CDH12: variants seen among roughly 807,000 people sequenced by gnomAD.
CDH12 encodes the protein cadherin-12.
A neutral mutation model predicts 74.1 loss-of-function variants in CDH12; 41 were observed. The ratio of observed to expected loss-of-function variants is 0.55; its 90% CI spans 0.43 to 0.72. The LOEUF is 0.72. CDH12 is among the 30% of genes least tolerant of loss of function. The pLI is 0.00. For missense variants in CDH12, 945 were observed against 977.2 expected, an observed-to-expected ratio of 0.97 and a Z score of 0.44; for synonymous variants, 399 against 355.0, an observed-to-expected ratio of 1.12 and a Z score of -1.39.
intron 1 of CDH12, among the ~76,000 whole-genome samples, chr5:22,666,512 G>T (rs192699090): frequency 6.6e-6 from 1 of 151,722 alleles, no homozygotes; most frequent in Admixed American, 6.6e-5. Context: ...GGGTGGTCTC[G>T]ATCTCCTGAC....
At chr5:21,846,467 T>G (rs530216218) in intron 7 of CDH12, among the ~76,000 whole-genome samples, 9 of 152,180 alleles carry the variant, frequency 5.9e-5, no homozygotes, top group Non-Finnish European at 1.2e-4. Context: ...AGAGTATGTC[T>G]GTTTTTCTGT....
intron 1 of CDH12, among the ~76,000 whole-genome samples, chr5:22,582,785 A>T (rs886651100): frequency 6.6e-6 from 1 of 152,166 alleles, no homozygotes; most frequent in Admixed American, 6.6e-5. Context: ...CTGCAATTGT[A>T]TCATGTTTTC....
chr5:22,052,980 C>T (rs1740482750), intron 5 of CDH12, among the ~76,000 whole-genome samples: 3 of 151,718 alleles, frequency 2.0e-5, no homozygotes, highest in Admixed American at 1.3e-4. Context: ...AAAAGAGATG[C>T]TTAAAGAAAG....
intron 1 of CDH12, among the ~76,000 whole-genome samples, chr5:22,829,287 C>T (rs900209273): frequency 1.1e-4 from 16 of 152,146 alleles, no homozygotes; most frequent in Non-Finnish European, 1.8e-4. Flanking sequence ...TAGAGTCATG[C>T]AACCTCAAAA....
At chr5:21,883,183 T>C (rs1752448053) in intron 6 of CDH12, 3 of 1,465,558 alleles carry the variant, frequency 2.0e-6, no homozygotes, top group Non-Finnish European at 9.6e-7. Flanking sequence ...AGAAAGGGTG[T>C]CATCACAGTA....
In CDH12 at chr5:21,882,556, C is replaced by T. The variant is rs572357025; in HGVS notation, c.527-27766G>A. 305 of 1,304,776 alleles carry T rather than the reference C, an allele frequency of 2.3e-4. 4 individuals carry two copies. The South Asian group carries it at 3.5e-3, about 15-fold the overall frequency. 80.8% of individuals were successfully genotyped at this position (1,304,776 alleles called of 1,614,324 possible). Reference sequence around the variant, plus strand: ...ACTCGCCGCCGACAACCTGTCTCGCCGCGCGCATGCCCTGCAGCCGCCCCA... The same window carrying T: ...ACTCGCCGCCGACAACCTGTCTCGCTGCGCGCATGCCCTGCAGCCGCCCCA... On this transcript the variant is annotated intron_variant, in intron 6 of 14. Coordinates refer to ENST00000382254, the MANE Select transcript of CDH12 (RefSeq NM_004061.5).
chr5:22,078,362 C>T, intron 5 of CDH12, 84 bp downstream of exon 5: 1 of 1,226,760 alleles, frequency 8.2e-7, no homozygotes, highest in East Asian at 2.4e-5. Flanking sequence ...GTTTGTTCAA[C>T]TCCTGTGCAA....
rs532083567 is a variant in CDH12 at position 22,217,781 on chromosome 5, T to A, written c.-332-5138A>T. On this transcript the variant is annotated intron_variant, in intron 3 of 14. Coordinates refer to ENST00000382254, the MANE Select transcript of CDH12 (RefSeq NM_004061.5). The stretch of plus-strand genomic sequence containing the variant: ...AAATGGACATATAAAATAATATTAA[T>A]GAATAATATTGCTCAATAGAAAAAA... Among the ~76,000 whole-genome samples the A allele has an allele frequency of 9.9e-4, 150 of 151,802 alleles. 3 individuals carry two copies. In the South Asian group the frequency reaches 0.03, roughly 30 times the overall value.
intron 6 of CDH12, chr5:21,884,165 G>A: frequency 1.3e-6 from 2 of 1,583,054 alleles, no homozygotes; most frequent in Non-Finnish European, 1.7e-6. Flanking sequence ...CAAAGCTTGT[G>A]AGAACTGCTT....
chr5:21,921,530 A>G (rs16899348), intron 6 of CDH12, among the ~76,000 whole-genome samples: 5,672 of 152,272 alleles, frequency 0.037, 323 homozygotes, highest in African/African-American at 0.12. Flanking sequence ...GTCAAATGTT[A>G]GAGACCATTA....
chr5:22,580,143 T>A (rs1740008881), intron 1 of CDH12: 1 of 266,670 alleles, frequency 3.7e-6, no homozygotes, highest in South Asian at 4.1e-5. Flanking sequence ...ATTTTCCTGA[T>A]GCTTACTGAC....
chr5:22,372,631 G>A (rs551444375), intron 3 of CDH12, among the ~76,000 whole-genome samples: 6 of 152,166 alleles, frequency 3.9e-5, no homozygotes, highest in Middle Eastern at 3.4e-3. Flanking sequence ...CACACATCTC[G>A]AAAACAAACC....
At chr5:22,680,742 C>G (rs1741447173) in intron 1 of CDH12, among the ~76,000 whole-genome samples, 1 of 151,728 alleles carries the variant, frequency 6.6e-6, no homozygotes, top group South Asian at 2.1e-4. Context: ...ATAATACGTA[C>G]TACTAACTGT....
intron 1 of CDH12, among the ~76,000 whole-genome samples, chr5:22,582,145 A>G (rs982539346): frequency 5.3e-5 from 8 of 152,190 alleles, no homozygotes; most frequent in African/African-American, 1.9e-4. Flanking sequence ...TGTTGCTCCC[A>G]AAGAATACTT....
At chr5:21,755,306 A>G (rs1315639158) in intron 14 of CDH12, among the ~76,000 whole-genome samples, 1 of 152,176 alleles carries the variant, frequency 6.6e-6, no homozygotes, top group Non-Finnish European at 1.5e-5. Context: ...GTCACAAACT[A>G]TTATTACTAG....
At position 21,984,796 on chromosome 5, in the gene CDH12, C is replaced by G. The variant is rs180777987; in HGVS notation, c.232-9411G>C. On this transcript the variant is annotated intron_variant, in intron 5 of 14. Transcript: ENST00000382254. Reference sequence around the variant, plus strand: ...ATTATATGATGAAAATCTATATTCTCAAAATCTAGATTAAACCATTCTCAA... The same window carrying G: ...ATTATATGATGAAAATCTATATTCTGAAAATCTAGATTAAACCATTCTCAA... 1.2e-3 allele frequency among the ~76,000 whole-genome samples: 181 copies of G among 152,268 alleles called. 1 individual carries two copies. The highest frequency in any genetic ancestry group is 4.1e-3 in the African/African-American group (169 of 41,552).
intron 6 of CDH12, among the ~76,000 whole-genome samples, chr5:21,917,278 G>A (rs1464529122): frequency 6.6e-6 from 1 of 152,212 alleles, no homozygotes; most frequent in Non-Finnish European, 1.5e-5. Context: ...TCCCCTGGGA[G>A]CCTCAAAAAC....
chr5:22,737,225 T>C (rs1288050352), intron 1 of CDH12, among the ~76,000 whole-genome samples: 1 of 151,954 alleles, frequency 6.6e-6, no homozygotes, highest in African/African-American at 2.4e-5. Context: ...AATATAGGCA[T>C]GATTCTTTGA....
intron 2 of CDH12, among the ~76,000 whole-genome samples, chr5:22,478,030 TTA>T (rs1746237270): frequency 6.6e-6 from 1 of 152,144 alleles, no homozygotes; most frequent in South Asian, 2.1e-4. Context: ...ATTAGACTCA[TTA>T]TATATTCCCT....
Sources: allele counts gnomAD v4.1 joint callset (sites outside exome capture counted in the v4.1 genomes callset), GRCh38; gene constraint gnomAD v4.1.1; transcripts MANE v1.5; gene names NCBI Gene and HGNC (gene_info 2026-07-23, HGNC 2026-07-21).